Variants in SGCZ observed in about 807,000 individuals in gnomAD.
SGCZ encodes zeta-sarcoglycan.
SGCZ carries 40 observed loss-of-function variants against 41.3 expected under a neutral mutation model. That is an observed-to-expected ratio of 0.97 (90% CI 0.75 to 1.26). The LOEUF (loss-of-function observed/expected upper bound fraction) is 1.26, where lower values mean the gene tolerates loss of function less well. Among genes scored for constraint, SGCZ ranks in the 50% most tolerant of loss-of-function variants. The pLI is 0.00. For synonymous variants in SGCZ, 206 were observed against 137.5 expected (o/e 1.50, Z -3.49); for missense variants, 552 against 369.8 (o/e 1.49, Z -4.04).
intron 1 of SGCZ, among the ~76,000 whole-genome samples, chr8:14,789,566 G>T (rs1302730954): frequency 6.6e-6 from 1 of 152,132 alleles, no homozygotes; most frequent in Non-Finnish European, 1.5e-5. Flanking sequence ...GGCTCTTCAT[G>T]CTTTAGACCT....
At chr8:14,276,122 C>G (rs1263314138) in intron 3 of SGCZ, among the ~76,000 whole-genome samples, 1 of 152,136 alleles carries the variant, frequency 6.6e-6, no homozygotes, top group African/African-American at 2.4e-5. Flanking sequence ...TCGCTCTAAA[C>G]ATTCTCTAAA....
At chr8:14,701,177 T>C (rs949828248) in intron 1 of SGCZ, among the ~76,000 whole-genome samples, 1 of 151,866 alleles carries the variant, frequency 6.6e-6, no homozygotes, top group Non-Finnish European at 1.5e-5. Flanking sequence ...AAATGGAAAT[T>C]AAACATTACA....
chr8:15,160,633 C>T (rs1799484141), intron 1 of SGCZ, among the ~76,000 whole-genome samples: 1 of 152,154 alleles, frequency 6.6e-6, no homozygotes, highest in Admixed American at 6.5e-5. Context: ...TTGTAGAAAA[C>T]ATTTTCACAT....
At chr8:14,676,724 A>G (rs1439676088) in intron 1 of SGCZ, among the ~76,000 whole-genome samples, 2 of 152,228 alleles carry the variant, frequency 1.3e-5, no homozygotes, top group Admixed American at 6.5e-5. Context: ...ACACATGATC[A>G]TATCAACAGA....
intron 1 of SGCZ, among the ~76,000 whole-genome samples, chr8:15,064,289 C>A (rs544996460): frequency 1.4e-3 from 206 of 152,252 alleles, no homozygotes; most frequent in African/African-American, 4.1e-3. Context: ...CACCCTAGGT[C>A]TCTAGCATGC....
chr8:14,390,054 G>C (rs1252201753), intron 2 of SGCZ, among the ~76,000 whole-genome samples: 1 of 151,910 alleles, frequency 6.6e-6, no homozygotes, highest in Non-Finnish European at 1.5e-5. Context: ...TCCGTTTGTA[G>C]AACTTTAAAA....
chr8:14,169,612 C>T (rs1482254420), intron 4 of SGCZ, among the ~76,000 whole-genome samples: 2 of 152,128 alleles, frequency 1.3e-5, no homozygotes, highest in Non-Finnish European at 2.9e-5. Flanking sequence ...ACCAACAACA[C>T]ACTTCCTGTA....
intron 1 of SGCZ, among the ~76,000 whole-genome samples, chr8:14,835,314 A>G (rs6530809): frequency 1.3e-5 from 2 of 152,108 alleles, no homozygotes; most frequent in Non-Finnish European, 2.9e-5. Flanking sequence ...ATAAATACTA[A>G]TATTTTTCTG....
intron 2 of SGCZ, among the ~76,000 whole-genome samples, chr8:14,362,578 T>A (rs1803564784): frequency 6.6e-6 from 1 of 152,204 alleles, no homozygotes; most frequent in Non-Finnish European, 1.5e-5. Flanking sequence ...AGAAGTGTAC[T>A]GCTCCTCCAG....
At chr8:14,278,989 C>G (rs966410375) in intron 3 of SGCZ, among the ~76,000 whole-genome samples, 3 of 152,052 alleles carry the variant, frequency 2.0e-5, no homozygotes, top group Non-Finnish European at 4.4e-5. Context: ...AGAAATGGCT[C>G]TGGTTCCTGG....
intron 5 of SGCZ, among the ~76,000 whole-genome samples, chr8:14,135,008 C>A (rs13269831): frequency 1.3e-5 from 2 of 151,906 alleles, no homozygotes; most frequent in South Asian, 2.1e-4. Flanking sequence ...CACACTATCA[C>A]GGCAGAATGG....
chr8:14,683,635 T>C (rs576381401), intron 1 of SGCZ, among the ~76,000 whole-genome samples: 9 of 152,256 alleles, frequency 5.9e-5, no homozygotes, highest in African/African-American at 1.7e-4. Context: ...CTTTGATTTC[T>C]TCAACTTGGA....
At chr8:14,842,885 A>C (rs1451568463) in intron 1 of SGCZ, among the ~76,000 whole-genome samples, 1 of 152,128 alleles carries the variant, frequency 6.6e-6, no homozygotes, top group Non-Finnish European at 1.5e-5. Context: ...GGAGCCATGC[A>C]TTTTTCTCAT....
At chr8:14,763,129 A>G (rs1040859496) in intron 1 of SGCZ, among the ~76,000 whole-genome samples, 5 of 152,124 alleles carry the variant, frequency 3.3e-5, no homozygotes, top group Admixed American at 6.5e-5. Flanking sequence ...AATGTGTTGT[A>G]TATGTCTGGT....
intron 1 of SGCZ, among the ~76,000 whole-genome samples, chr8:15,183,880 C>A (rs1800252323): frequency 6.6e-6 from 1 of 152,074 alleles, no homozygotes; most frequent in South Asian, 2.1e-4. Context: ...GCATTTATTA[C>A]TTCAAAATAT....
intron 2 of SGCZ, among the ~76,000 whole-genome samples, chr8:14,359,018 C>G (rs181464672): frequency 6.6e-6 from 1 of 152,184 alleles, no homozygotes; most frequent in African/African-American, 2.4e-5. Flanking sequence ...AAATACATGA[C>G]TTTCTTTTAA....
intron 4 of SGCZ, among the ~76,000 whole-genome samples, chr8:14,232,130 T>C (rs1008946212): frequency 2.2e-4 from 10 of 46,366 alleles, no homozygotes; most frequent in Admixed American, 7.1e-4. Flanking sequence ...ACAAATCTTC[T>C]TTCATCATAT....
At chr8:14,601,652 CT>C (rs927117449) in intron 1 of SGCZ, among the ~76,000 whole-genome samples, 1 of 152,132 alleles carries the variant, frequency 6.6e-6, no homozygotes, top group African/African-American at 2.4e-5. Context: ...CTGGGATTAT[CT>C]TTCCTTATTG....
At chr8:14,578,319 G>T (rs1804779956) in intron 1 of SGCZ, among the ~76,000 whole-genome samples, 1 of 152,146 alleles carries the variant, frequency 6.6e-6, no homozygotes, top group Admixed American at 6.5e-5. Flanking sequence ...CCCTAGAAAA[G>T]AAGTCAGAGT....
Sources: gnomAD v4.1 joint callset for allele counts (sites outside exome capture counted in the v4.1 genomes callset) on GRCh38, gnomAD v4.1.1 for gene constraint, MANE v1.5 for transcripts, NCBI Gene and HGNC (gene_info 2026-07-23, HGNC 2026-07-21) for gene names.